The following PKP4 variants were observed in gnomAD, a reference collection of about 807,000 sequenced individuals.
PKP4 encodes plakophilin-4.
A neutral mutation model predicts 145.1 loss-of-function variants in PKP4; 90 were observed. The observed-to-expected ratio is 0.62, with a 90% CI of 0.52 to 0.74. PKP4 has a LOEUF of 0.74. PKP4 is among the 30% of genes least tolerant of loss of function. The pLI is 0.00. For synonymous variants in PKP4, 563 were observed against 577.2 expected, an observed-to-expected ratio of 0.98 and a Z score of 0.35; for missense variants, 1,340 against 1,482.7, an observed-to-expected ratio of 0.90 and a Z score of 1.58.
intron 1 of PKP4, among the ~76,000 whole-genome samples, chr2:158,489,966 A>C (rs1267080431): frequency 6.6e-6 from 1 of 152,098 alleles, no homozygotes; most frequent in African/African-American, 2.4e-5. Context: ...CAACAAAACA[A>C]CTAACAGTGT....
intron 4 of PKP4, among the ~76,000 whole-genome samples, chr2:158,617,662 A>C (rs2105884809): frequency 6.6e-6 from 1 of 152,354 alleles, no homozygotes; most frequent in Non-Finnish European, 1.5e-5. Flanking sequence ...TACTTTATCC[A>C]GTAAAATTAG....
At chr2:158,460,839 T>C (rs1217408832) in intron 1 of PKP4, among the ~76,000 whole-genome samples, 1 of 152,198 alleles carries the variant, frequency 6.6e-6, no homozygotes, top group Non-Finnish European at 1.5e-5. Context: ...GATTCTGTAG[T>C]GCCCTTCCTG....
intron 1 of PKP4, among the ~76,000 whole-genome samples, chr2:158,468,507 A>G (rs924958378): frequency 9.9e-5 from 15 of 152,126 alleles, no homozygotes; most frequent in African/African-American, 3.6e-4. Flanking sequence ...ACAATATTAT[A>G]TTTTAAAATG....
intron 4 of PKP4, among the ~76,000 whole-genome samples, chr2:158,619,514 A>C (rs2051988964): frequency 6.6e-6 from 1 of 152,258 alleles, no homozygotes; most frequent in Non-Finnish European, 1.5e-5. Flanking sequence ...TTTAGAATGC[A>C]GTGGGATTTC....
intron 1 of PKP4, among the ~76,000 whole-genome samples, chr2:158,506,685 T>G (rs1013754123): frequency 1.3e-5 from 2 of 152,360 alleles, no homozygotes; most frequent in East Asian, 1.9e-4. Flanking sequence ...TTTATACTTA[T>G]GCCTACTTTT....
intron 1 of PKP4, among the ~76,000 whole-genome samples, chr2:158,520,966 T>A (rs2042321265): frequency 6.6e-6 from 1 of 152,256 alleles, no homozygotes; most frequent in African/African-American, 2.4e-5. Context: ...TATATTACAT[T>A]GTATTTATCC....
In PKP4 at chr2:158,663,071, A is replaced by C; in HGVS notation, c.2386A>C (p.Thr796Pro). 6.2e-7 allele frequency: 1 copy of C among 1,608,000 alleles called. No individual in the cohort carries two copies. The highest frequency in any genetic ancestry group is 8.5e-7 in the Non-Finnish European group (1 of 1,177,758). ...GAAGAAGAAGAAAAAGAAAAAGAGG[A>C]CTCCGCAAGAAGATCAAGTTAGCAT... ...WGKKKKKKKR[T>P]PQEDQWDGVG... The change falls in exon 14 of 22, where the codon ACT becomes CCT. Residue 796 changes from threonine (T) to proline (P), a missense_variant. Physicochemically the swap from Thr to Pro is conservative, Grantham distance 38. Coordinates refer to ENST00000389759, the MANE Select transcript of PKP4 (RefSeq NM_003628.6).
rs567888923 is a variant in PKP4, at chr2:158,561,646, G to A, written c.133-15625G>A. Among the ~76,000 whole-genome samples the A allele has an allele frequency of 4.6e-5, 7 of 152,308 alleles. No homozygotes were observed. In the South Asian group the frequency reaches 1.5e-3, roughly 32 times the overall value. On this transcript the variant is annotated intron_variant, in intron 2 of 21. Coordinates refer to ENST00000389759, the MANE Select transcript of PKP4 (RefSeq NM_003628.6). ...CTAATTTAGACCACCTCTGCTCTGT[G>A]GCCCCAGGCCGACTTCCCAGGTTAC... is the stretch of plus-strand genomic sequence containing the variant.
chr2:158,519,580 C>G (rs933099931), intron 1 of PKP4, among the ~76,000 whole-genome samples: 1 of 152,194 alleles, frequency 6.6e-6, no homozygotes, highest in Admixed American at 6.5e-5. Context: ...CTCTGTCACC[C>G]AATGCTCCAT....
chr2:158,498,194 G>T (rs1263617944), intron 1 of PKP4, among the ~76,000 whole-genome samples: 1 of 152,034 alleles, frequency 6.6e-6, no homozygotes, highest in African/African-American at 2.4e-5. Flanking sequence ...GTCTTACTAT[G>T]TTGCCCAGGC....
chr2:158,577,893 G>A (rs1223263639), intron 3 of PKP4, among the ~76,000 whole-genome samples: 2 of 152,070 alleles, frequency 1.3e-5, no homozygotes, highest in Non-Finnish European at 2.9e-5. Context: ...GTGCATTACT[G>A]TAAAAACATA....
intron 3 of PKP4, among the ~76,000 whole-genome samples, chr2:158,600,838 T>C (rs2050165645): frequency 6.6e-6 from 1 of 152,204 alleles, no homozygotes; most frequent in African/African-American, 2.4e-5. Context: ...GATTTATATA[T>C]GGTACCTTAA....
At chr2:158,566,896 G>A (rs2047032279) in intron 2 of PKP4, among the ~76,000 whole-genome samples, 1 of 152,058 alleles carries the variant, frequency 6.6e-6, no homozygotes, top group Non-Finnish European at 1.5e-5. Flanking sequence ...AGGAGAAAAA[G>A]TAAATGAAAA....
chr2:158,493,327 A>G (rs1021742476), intron 1 of PKP4, among the ~76,000 whole-genome samples: 5 of 152,152 alleles, frequency 3.3e-5, no homozygotes, highest in African/African-American at 1.2e-4. Context: ...AGTGAGCCAA[A>G]TAGTTTCTCA....
intron 17 of PKP4, among the ~76,000 whole-genome samples, chr2:158,672,530 C>T (rs901944058): frequency 1.3e-5 from 2 of 152,184 alleles, no homozygotes; most frequent in Admixed American, 6.5e-5. Flanking sequence ...CAGCAATGGC[C>T]GGGCCCAGCT....
At chr2:158,468,302 T>C (rs1023862317) in intron 1 of PKP4, among the ~76,000 whole-genome samples, 2 of 152,226 alleles carry the variant, frequency 1.3e-5, no homozygotes, top group African/African-American at 2.4e-5. Flanking sequence ...TACAAAAACT[T>C]GTCTATAAAA....
intron 17 of PKP4, among the ~76,000 whole-genome samples, chr2:158,673,200 C>T (rs1313692905): frequency 6.6e-6 from 1 of 152,154 alleles, no homozygotes; most frequent in East Asian, 1.9e-4. Context: ...TTAGAACGCA[C>T]ATTAGTCTAC....
chr2:158,630,784 TG>T (rs1228828758), intron 7 of PKP4, among the ~76,000 whole-genome samples: 15 of 152,164 alleles, frequency 9.9e-5, no homozygotes, highest in Non-Finnish European at 2.1e-4. Flanking sequence ...AAAGTGAAAA[TG>T]ATATAATAAT....
chr2:158,615,040 A>G (rs1270024519), intron 4 of PKP4, among the ~76,000 whole-genome samples: 2 of 151,850 alleles, frequency 1.3e-5, no homozygotes, highest in South Asian at 2.1e-4. Flanking sequence ...GTGGAAAAAT[A>G]TAGAAGATCT....
Sources: allele counts gnomAD v4.1 joint callset (sites outside exome capture counted in the v4.1 genomes callset), GRCh38; gene constraint gnomAD v4.1.1; transcripts MANE v1.5; gene names NCBI Gene and HGNC (gene_info 2026-07-23, HGNC 2026-07-21).